The following ADGRL2 variants were observed in gnomAD, a reference collection of about 807,000 sequenced individuals.
The protein encoded by ADGRL2 is adhesion G protein-coupled receptor L2.
Under a neutral mutation model 157.4 loss-of-function variants are expected in ADGRL2, and 44 were observed. The ratio of observed to expected loss-of-function variants is 0.28; its 90% CI spans 0.22 to 0.36. The LOEUF (loss-of-function observed/expected upper bound fraction) is 0.36. Among genes scored for constraint, ADGRL2 ranks in the 10% least tolerant of loss-of-function variants. The pLI is 1.00. For synonymous variants in ADGRL2, 585 were observed against 624.7 expected (o/e 0.94, Z 0.95); for missense variants, 1,510 against 1,768.9 (o/e 0.85, Z 2.63).
intron 1 of ADGRL2, among the ~76,000 whole-genome samples, chr1:81,346,802 A>G (rs752990446): frequency 2.0e-5 from 3 of 152,220 alleles, no homozygotes; most frequent in African/African-American, 7.2e-5. Context: ...AGAGCAGTCT[A>G]TGGCATTTTG....
At chr1:81,502,031 C>A (rs555469082) in intron 2 of ADGRL2, 3 of 1,602,520 alleles carry the variant, frequency 1.9e-6, no homozygotes, top group Non-Finnish European at 2.6e-6. Context: ...AGTGTTTGAA[C>A]GGGGCAACAT....
chr1:81,789,141 G>A (rs114246905), intron 2 of ADGRL2, among the ~76,000 whole-genome samples: 1 of 152,284 alleles, frequency 6.6e-6, no homozygotes, highest in African/African-American at 2.4e-5. Context: ...TACATTTGTG[G>A]GCTAGATTTT....
At chr1:81,662,700 G>C (rs1382865700) in intron 3 of ADGRL2, among the ~76,000 whole-genome samples, 1 of 151,550 alleles carries the variant, frequency 6.6e-6, no homozygotes, top group Non-Finnish European at 1.5e-5. Context: ...GATTACAGGT[G>C]CCCACCACAG....
chr1:81,327,993 T>A (rs959603707), intron 1 of ADGRL2, among the ~76,000 whole-genome samples: 3 of 152,086 alleles, frequency 2.0e-5, no homozygotes, highest in African/African-American at 7.2e-5. Flanking sequence ...TAAAATCACT[T>A]CTTTGAAACA....
intron 2 of ADGRL2, among the ~76,000 whole-genome samples, chr1:81,903,786 CATT>C (rs1275923625): frequency 2.8e-5 from 4 of 142,160 alleles, no homozygotes; most frequent in African/African-American, 7.8e-5. Context: ...TATATATACA[CATT>C]ATATATATAT....
chr1:81,802,423 C>A (rs1241273023), intron 1 of ADGRL2, among the ~76,000 whole-genome samples: 1 of 152,088 alleles, frequency 6.6e-6, no homozygotes, highest in Non-Finnish European at 1.5e-5. Flanking sequence ...CCCCAATCTC[C>A]TCTTGGAAAT....
intron 2 of ADGRL2, among the ~76,000 whole-genome samples, chr1:81,765,177 T>C (rs2086070814): frequency 2.0e-5 from 3 of 151,990 alleles, no homozygotes; most frequent in Admixed American, 2.0e-4. Context: ...GGAGCCAAAT[T>C]CACACAGATT....
chr1:81,311,783 A>C (rs1029480894), intron 1 of ADGRL2, among the ~76,000 whole-genome samples: 1 of 152,214 alleles, frequency 6.6e-6, no homozygotes, highest in Admixed American at 6.5e-5. Context: ...TGGATAAAAA[A>C]TATATACTAT....
At chr1:81,358,386 G>A (rs2075908024) in intron 1 of ADGRL2, among the ~76,000 whole-genome samples, 1 of 152,162 alleles carries the variant, frequency 6.6e-6, no homozygotes, top group South Asian at 2.1e-4. Flanking sequence ...TATGCCCTGT[G>A]TACTCAGGGT....
Position 81,951,110 on chromosome 1 carries a change from C to A in ADGRL2, c.1597C>A (p.Leu533Met), listed in dbSNP as rs1026120553. The change falls in exon 8 of 24, where the codon CTG becomes ATG. Residue 533 changes from leucine to methionine, a missense_variant. Leu to Met is a conservative substitution (Grantham distance 15). Transcript: ENST00000686636. ...SNCTSHWVNQ[L>M]AQKIRSGENA... is the part of the protein sequence containing the mutation. ...CTGTACCTCACACTGGGTGAATCAG[C>A]TGGCTCAGAAGGTTGGTTGGAACCT... 12 of 1,611,788 alleles carry A rather than the reference C, an allele frequency of 7.4e-6. No individual in the cohort carries two copies. The highest frequency in any genetic ancestry group is 1.7e-4 in the Middle Eastern group (1 of 6,056).
At chr1:81,970,209 T>A in intron 15 of ADGRL2, 105 bp from the exon 16 acceptor site, 1 of 806,672 alleles carries the variant, frequency 1.2e-6, no homozygotes, top group Non-Finnish European at 2.1e-6. Flanking sequence ...AATAATGTAT[T>A]TTTGAAATAA....
chr1:81,308,885 A>G (rs1277696749), intron 1 of ADGRL2, among the ~76,000 whole-genome samples: 2 of 152,086 alleles, frequency 1.3e-5, no homozygotes, highest in Non-Finnish European at 2.9e-5. Flanking sequence ...CATTCAAGCA[A>G]CTGTTCAAGA....
intron 12 of ADGRL2, 91 bp from the exon 13 acceptor site, chr1:81,966,313 C>A: frequency 6.7e-7 from 1 of 1,503,262 alleles, no homozygotes; most frequent in Non-Finnish European, 9.2e-7. Flanking sequence ...TAAAACAGTG[C>A]CTTAGGACTT....
intron 1 of ADGRL2, among the ~76,000 whole-genome samples, chr1:81,742,497 C>A (rs903801756): frequency 3.9e-5 from 6 of 152,102 alleles, no homozygotes; most frequent in African/African-American, 4.8e-5. Flanking sequence ...ACATTGAATT[C>A]AACATTTAAA....
intron 6 of ADGRL2, among the ~76,000 whole-genome samples, chr1:81,947,990 G>A (rs1249828175): frequency 1.3e-5 from 2 of 152,036 alleles, no homozygotes; most frequent in African/African-American, 2.4e-5. Context: ...ATGTCAGGGA[G>A]GGCGGATCAC....
At chr1:81,792,456 A>C (rs532303084) in intron 2 of ADGRL2, among the ~76,000 whole-genome samples, 19 of 152,268 alleles carry the variant, frequency 1.2e-4, no homozygotes, top group African/African-American at 4.3e-4. Context: ...AGACATATAC[A>C]TATACATGTG....
At chr1:81,344,984 T>C (rs1201817844) in intron 1 of ADGRL2, among the ~76,000 whole-genome samples, 1 of 152,162 alleles carries the variant, frequency 6.6e-6, no homozygotes, top group Non-Finnish European at 1.5e-5. Flanking sequence ...TGTGACACTG[T>C]TGAAAAATTA....
intron 2 of ADGRL2, among the ~76,000 whole-genome samples, chr1:81,500,778 T>C (rs2078829070): frequency 6.6e-6 from 1 of 152,240 alleles, no homozygotes; most frequent in South Asian, 2.1e-4. Flanking sequence ...TAAGTAAATG[T>C]ACTTATTGTC....
At chr1:81,935,194 A>C (rs1572217400) in intron 3 of ADGRL2, among the ~76,000 whole-genome samples, 1 of 152,054 alleles carries the variant, frequency 6.6e-6, no homozygotes, top group Admixed American at 6.6e-5. Flanking sequence ...AGATGAGTGA[A>C]CCAAATTAAG....
Sources: gnomAD v4.1 joint callset for allele counts (sites outside exome capture counted in the v4.1 genomes callset) on GRCh38, gnomAD v4.1.1 for gene constraint, MANE v1.5 for transcripts, NCBI Gene and HGNC (gene_info 2026-07-23, HGNC 2026-07-21) for gene names.